Variants in RHOT1 observed in about 807,000 individuals in gnomAD.
RHOT1 encodes the protein ras homolog family member T1, also known as mitochondrial Rho GTPase 1.
A neutral mutation model predicts 95.3 loss-of-function variants in RHOT1; 27 were observed. The ratio of observed to expected loss-of-function variants is 0.28; its 90% CI spans 0.21 to 0.39. The LOEUF is 0.39. Among genes scored for constraint, RHOT1 ranks in the 10% least tolerant of loss-of-function variants. The probability of loss-of-function intolerance (pLI) is 1.00; values close to 1 mark genes in which losing one functional copy is unlikely to be tolerated. For missense variants in RHOT1, 578 were observed against 786.7 expected (o/e 0.73, Z 3.17); for synonymous variants, 227 against 263.5 (o/e 0.86, Z 1.34).
At chr17:32,150,026 C>T (rs1006312479) in intron 1 of RHOT1, among the ~76,000 whole-genome samples, 7 of 152,134 alleles carry the variant, frequency 4.6e-5, no homozygotes, top group Admixed American at 4.6e-4. Flanking sequence ...GCTGGTATTA[C>T]AGGTGTGAGC....
At chr17:32,174,007 G>A in intron 3 of RHOT1, 95 bp downstream of exon 3, 1 of 876,662 alleles carries the variant, frequency 1.1e-6, no homozygotes. Context: ...CAGAGAGGTG[G>A]TCTTTTCTCT....
In RHOT1 at chr17:32,211,212, CAA is replaced by C. The variant is rs1333104300; in HGVS notation, c.1839_1840del (p.Lys613AsnfsTer7). 1 of 1,611,432 alleles carries C rather than the reference CAA, an allele frequency of 6.2e-7. No homozygotes were observed. The highest frequency in any genetic ancestry group is 1.7e-5 in the Admixed American group (1 of 59,968). Reference sequence around the variant, plus strand: ...CAGACTTGCTGCAATCTGTAAAGAACAAAATCTTCACTGCAGTTCTTAACAGG... The same window carrying C: ...CAGACTTGCTGCAATCTGTAAAGAACAATCTTCACTGCAGTTCTTAACAGG... ...NSDLLQSVKN[K>X]IFTAVLNRHV... is the part of the protein sequence containing the mutation. On this transcript the variant is annotated frameshift_variant, in exon 19 of 20. Transcript: ENST00000545287. LOFTEE classifies it high-confidence loss of function.
chr17:32,179,124 A>AGG (rs2035325400), intron 6 of RHOT1: 3 of 63,640 alleles, frequency 4.7e-5, no homozygotes, highest in Admixed American at 2.1e-4. Context: ...GGGAAATGGG[A>AGG]AGCGCCTCTG....
At position 32,225,544 on chromosome 17, in the gene RHOT1, G is replaced by C. The variant is rs1456127351; in HGVS notation, c.*811G>C. On this transcript the variant is annotated 3_prime_UTR_variant, in exon 20 of 20. Transcript: ENST00000545287. ...AAATCATTCTATAATGGCTGTGTCT[G>C]TTATAGTATATTACAGTAACTGCAT... The C allele has an allele frequency of 1.3e-5, 2 of 152,512 alleles. No individual in the cohort carries two copies. Among genetic ancestry groups the C allele is most frequent in the Non-Finnish European group, 2.9e-5 (2 of 68,036 alleles). The allele number at this position is 152,512 out of a possible 1,614,324, so 9.4% of individuals were successfully genotyped here. A position where few individuals can be genotyped will look rare whatever the true frequency, so the allele number is the denominator to read the frequency against.
chr17:32,212,955 AAG>A (rs1432143364), intron 19 of RHOT1, among the ~76,000 whole-genome samples: 1 of 152,160 alleles, frequency 6.6e-6, no homozygotes, highest in African/African-American at 2.4e-5. Context: ...AGGTGCCACC[AAG>A]AATAGAAAGC....
intron 17 of RHOT1, 160 bp downstream of exon 17, chr17:32,207,189 A>G (rs2037819292): frequency 1.5e-6 from 1 of 663,542 alleles, no homozygotes; most frequent in Admixed American, 3.0e-5. Flanking sequence ...GTTTTGTTCT[A>G]AAGTGGTAGA....
intron 1 of RHOT1, among the ~76,000 whole-genome samples, chr17:32,146,071 A>G (rs992171238): frequency 2.0e-5 from 3 of 152,140 alleles, no homozygotes; most frequent in South Asian, 2.1e-4. Context: ...ATAAAGTCCA[A>G]ACTTTTTAAT....
At chr17:32,166,484 A>G (rs926899655) in intron 1 of RHOT1, among the ~76,000 whole-genome samples, 2 of 152,198 alleles carry the variant, frequency 1.3e-5, no homozygotes, top group African/African-American at 4.8e-5. Context: ...CTTTCACTAA[A>G]GATTTCTCTG....
intron 1 of RHOT1, among the ~76,000 whole-genome samples, chr17:32,165,050 CAG>C (rs767782033): frequency 7.3e-5 from 11 of 151,462 alleles, no homozygotes; most frequent in Non-Finnish European, 1.2e-4. Context: ...ACAAAAAAAA[CAG>C]GGCCGGGCGT....
chr17:32,173,808 TC>T lies in RHOT1; in HGVS notation c.97-22del. ...TAATATTCAAAGGTGTTTTTTTTTT[TC>T]TATATTTGTTTGTAAATGAAGGTTC... On this transcript the variant is annotated intron_variant, in intron 2 of 19. Coordinates refer to ENST00000545287, the MANE Select transcript of RHOT1 (RefSeq NM_001033566.3). 4.0e-6 allele frequency: 6 copies of T among 1,518,772 alleles called. No individual in the cohort carries two copies. The Admixed American group carries it at 5.7e-5, about 15-fold the overall frequency. 94.1% of individuals were successfully genotyped at this position (1,518,772 alleles called of 1,614,324 possible).
chr17:32,167,736 C>A (rs533412043), intron 1 of RHOT1, among the ~76,000 whole-genome samples: 1 of 152,188 alleles, frequency 6.6e-6, no homozygotes, highest in Middle Eastern at 3.2e-3. Flanking sequence ...TCTTCTGATA[C>A]AAGGCTGTTT....
At chr17:32,193,576 G>A (rs1017784222) in intron 10 of RHOT1, among the ~76,000 whole-genome samples, 5 of 152,032 alleles carry the variant, frequency 3.3e-5, no homozygotes. Context: ...TTATTTTTAG[G>A]GAATTTTGTC....
rs768675348 is a variant in RHOT1, at chr17:32,202,787, A to G, written c.1219A>G (p.Ile407Val). Residue 407 changes from isoleucine to valine, a missense_variant, in exon 15 of 20, where the codon ATA becomes GTA. Ile to Val is a conservative substitution (Grantham distance 29). Transcript: ENST00000545287. ...ATTTTTAGTGACAAGAGATAAAAAG[A>G]TAGACCTGCAGAAAAAACAAACTCA... Reference protein sequence around the residue: ...SAVTVTRDKKIDLQKKQTQRN... With the variant: ...SAVTVTRDKKVDLQKKQTQRN... 3 of 1,590,858 alleles carry G rather than the reference A, an allele frequency of 1.9e-6. No individual in the cohort carries two copies. The Admixed American group carries it at 5.2e-5, about 28-fold the overall frequency.
At chr17:32,151,579 C>CT (rs1403713538) in intron 1 of RHOT1, 4 of 341,626 alleles carry the variant, frequency 1.2e-5, no homozygotes, top group African/African-American at 2.2e-5. Flanking sequence ...TCTCAATGAA[C>CT]TTTTTAAAAA....
intron 3 of RHOT1, among the ~76,000 whole-genome samples, chr17:32,174,863 A>AT (rs2034868099): frequency 6.6e-6 from 1 of 152,142 alleles, no homozygotes; most frequent in Admixed American, 6.6e-5. Flanking sequence ...TCATCACTTC[A>AT]TTATCAAGCT....
At chr17:32,222,908 A>G (rs1324240402) in intron 19 of RHOT1, 1 of 984,334 alleles carries the variant, frequency 1.0e-6, no homozygotes, top group African/African-American at 1.7e-5. Flanking sequence ...GCCAGGTAAC[A>G]TTTCCAATGG....
chr17:32,152,091 A>C (rs1157741402), intron 1 of RHOT1, among the ~76,000 whole-genome samples: 1 of 152,246 alleles, frequency 6.6e-6, no homozygotes, highest in Non-Finnish European at 1.5e-5. Context: ...TTTAAAAGAT[A>C]GTGACTGATA....
chr17:32,217,279 G>GTT (rs1443402200), intron 19 of RHOT1, among the ~76,000 whole-genome samples: 1 of 152,120 alleles, frequency 6.6e-6, no homozygotes, highest in Non-Finnish European at 1.5e-5. Context: ...TATGGTTTGT[G>GTT]TTGAAGCTGC....
chr17:32,155,114 A>T (rs527465977), intron 1 of RHOT1, among the ~76,000 whole-genome samples: 3 of 152,108 alleles, frequency 2.0e-5, no homozygotes, highest in African/African-American at 7.2e-5. Context: ...AAACAGAACT[A>T]TGGTAAGTCA....
Sources: allele counts gnomAD v4.1 joint callset (sites outside exome capture counted in the v4.1 genomes callset), GRCh38; gene constraint gnomAD v4.1.1; transcripts MANE v1.5; gene names NCBI Gene and HGNC (gene_info 2026-07-23, HGNC 2026-07-21).